The following CAMTA1 variants were observed in gnomAD, a reference collection of about 807,000 sequenced individuals.
CAMTA1 encodes the protein calmodulin-binding transcription activator 1.
Under a neutral mutation model 170.9 loss-of-function variants are expected in CAMTA1, and 27 were observed. That is an observed-to-expected ratio of 0.16 (90% CI 0.12 to 0.22). The LOEUF is 0.22. Among genes scored for constraint, CAMTA1 ranks in the 10% least tolerant of loss-of-function variants. CAMTA1 has a pLI of 1.00. For synonymous variants in CAMTA1, 833 were observed against 891.5 expected, an observed-to-expected ratio of 0.93 and a Z score of 1.17; for missense variants, 1,619 against 2,217.2, an observed-to-expected ratio of 0.73 and a Z score of 5.42.
At chr1:7,621,353 G>A (rs765307880) in intron 6 of CAMTA1, among the ~76,000 whole-genome samples, 1 of 152,212 alleles carries the variant, frequency 6.6e-6, no homozygotes, top group Non-Finnish European at 1.5e-5. Flanking sequence ...CCGTCACCTG[G>A]CTATGTCAGC....
Position 7,748,237 on chromosome 1 carries a change from TAAAACAAACAAA to T in CAMTA1, c.4689+457_4689+468del, listed in dbSNP as rs777064286. Among the ~76,000 whole-genome samples, 21 of 110,674 alleles carry T rather than the reference TAAAACAAACAAA, an allele frequency of 1.9e-4. No individual in the cohort carries two copies. The highest frequency in any genetic ancestry group is 7.3e-4 in the African/African-American group (19 of 25,914). The allele number at this position is 110,674 out of a possible 152,430, so 72.6% of individuals were successfully genotyped here. ...AGAGACTTAATTTGAACTGCCATGA[TAAAACAAACAAA>T]CAAACAAACAAACAAACAAACAAAA... is the stretch of plus-strand genomic sequence containing the variant. On this transcript the variant is annotated intron_variant, in intron 19 of 22. Coordinates refer to ENST00000303635, the MANE Select transcript of CAMTA1 (RefSeq NM_015215.4). This position sits in a 1 kb window ranked among gnomAD's most constrained non-coding sequence, Gnocchi z 4.7.
At chr1:6,981,467 C>T (rs1477773972) in intron 3 of CAMTA1, among the ~76,000 whole-genome samples, 1 of 152,182 alleles carries the variant, frequency 6.6e-6, no homozygotes, top group Non-Finnish European at 1.5e-5. Flanking sequence ...GGGTCTCACT[C>T]TGAAACCCAG....
Position 7,697,628 on chromosome 1 carries a change from G to A in CAMTA1, c.2914+19895G>A, listed in dbSNP as rs559522140. On this transcript the variant is annotated intron_variant, in intron 11 of 22. Transcript: ENST00000303635. Reference sequence around the variant, plus strand: ...TGGGGGCCTGGTAGAAGTTGCTGGCGGAATGGATGGGCCTGTGTCAGCCAG... The same window carrying A: ...TGGGGGCCTGGTAGAAGTTGCTGGCAGAATGGATGGGCCTGTGTCAGCCAG... Among the ~76,000 whole-genome samples the A allele has an allele frequency of 3.3e-4, 51 of 152,314 alleles. No individual in the cohort carries two copies. The Middle Eastern group carries it at 0.01, about 30-fold the overall frequency.
At chr1:6,898,880 GTTTGT>G (rs1571497919) in intron 3 of CAMTA1, among the ~76,000 whole-genome samples, 1 of 151,906 alleles carries the variant, frequency 6.6e-6, no homozygotes, top group Middle Eastern at 3.2e-3. Flanking sequence ...GGGCCCCCTG[GTTTGT>G]TTTATTTTGT....
At chr1:7,571,070 A>T (rs560140181) in intron 6 of CAMTA1, among the ~76,000 whole-genome samples, 29 of 152,340 alleles carry the variant, frequency 1.9e-4, no homozygotes, top group Admixed American at 6.5e-4. Context: ...CTTCATGGAA[A>T]ACAAAGTGTC....
At chr1:7,714,053 C>A (rs549504357) in intron 11 of CAMTA1, among the ~76,000 whole-genome samples, 14 of 152,134 alleles carry the variant, frequency 9.2e-5, no homozygotes, top group Non-Finnish European at 2.1e-4. Context: ...TACTCTCTTT[C>A]CACCACGAAT....
intron 5 of CAMTA1, among the ~76,000 whole-genome samples, chr1:7,266,905 A>T (rs765499293): frequency 5.9e-5 from 9 of 152,136 alleles, no homozygotes; most frequent in Non-Finnish European, 1.0e-4. Context: ...AGGGGCCAGG[A>T]CCCAGGTGGC....
chr1:7,366,993 C>A (rs1405571251), intron 5 of CAMTA1, among the ~76,000 whole-genome samples: 1 of 152,174 alleles, frequency 6.6e-6, no homozygotes, highest in Non-Finnish European at 1.5e-5. Context: ...CACCCCAGGG[C>A]TCCTGCTGCC....
intron 5 of CAMTA1, among the ~76,000 whole-genome samples, chr1:7,338,996 C>T (rs2083593824): frequency 6.6e-6 from 1 of 152,096 alleles, no homozygotes; most frequent in Non-Finnish European, 1.5e-5. Flanking sequence ...TGAGAGAGAA[C>T]AGGGAGGCGC....
At chr1:7,526,479 CTGT>C (rs2094433256) in intron 6 of CAMTA1, among the ~76,000 whole-genome samples, 1 of 152,210 alleles carries the variant, frequency 6.6e-6, no homozygotes, top group Admixed American at 6.5e-5. Context: ...GCCCTGAGGT[CTGT>C]CCAGGCCGTG....
At chr1:7,379,622 C>T (rs1369290709) in intron 5 of CAMTA1, among the ~76,000 whole-genome samples, 1 of 152,218 alleles carries the variant, frequency 6.6e-6, no homozygotes, top group Non-Finnish European at 1.5e-5. Context: ...CTTCCTGTTG[C>T]GTCCTCATCG....
At chr1:7,084,098 A>T (rs1306027355) in intron 3 of CAMTA1, among the ~76,000 whole-genome samples, 2 of 152,126 alleles carry the variant, frequency 1.3e-5, no homozygotes, top group Non-Finnish European at 2.9e-5. Flanking sequence ...TGCAAAATAT[A>T]TCTGAGACTG....
At chr1:7,231,746 C>T (rs1252118887) in intron 4 of CAMTA1, among the ~76,000 whole-genome samples, 1 of 152,206 alleles carries the variant, frequency 6.6e-6, no homozygotes, top group Non-Finnish European at 1.5e-5. Context: ...GCAGCCAGAC[C>T]TGGGGCCAAG....
intron 11 of CAMTA1, among the ~76,000 whole-genome samples, chr1:7,683,806 C>T (rs1219035278): frequency 1.3e-5 from 2 of 152,222 alleles, no homozygotes; most frequent in African/African-American, 2.4e-5. Flanking sequence ...TTATACATTG[C>T]GGTGGGTGTC....
chr1:7,464,243 C>T lies in CAMTA1; in HGVS notation c.439-3587C>T, dbSNP rs181803417. Among the ~76,000 whole-genome samples the T allele has an allele frequency of 7.9e-5, 12 of 152,268 alleles. No homozygotes were observed. The South Asian group carries it at 1.9e-3, about 24-fold the overall frequency. ...GCATGTACTCCCTCACACTCCCACA[C>T]GCGTGTGCACCTCACACGCGGATTT... On this transcript the variant is annotated intron_variant, in intron 5 of 22. Coordinates refer to ENST00000303635, the MANE Select transcript of CAMTA1 (RefSeq NM_015215.4).
chr1:6,944,016 G>A (rs917516948), intron 3 of CAMTA1, among the ~76,000 whole-genome samples: 3 of 151,940 alleles, frequency 2.0e-5, no homozygotes, highest in African/African-American at 7.3e-5. Context: ...TGTTAAGCAC[G>A]AACTCTCCAT....
intron 5 of CAMTA1, among the ~76,000 whole-genome samples, chr1:7,324,702 G>C (rs1211991531): frequency 6.6e-6 from 1 of 151,762 alleles, no homozygotes; most frequent in African/African-American, 2.4e-5. Context: ...CAGCTACTAG[G>C]AGGCTGAGGC....
chr1:7,595,647 C>G (rs2095394183), intron 6 of CAMTA1, among the ~76,000 whole-genome samples: 1 of 152,190 alleles, frequency 6.6e-6, no homozygotes, highest in Admixed American at 6.5e-5. Context: ...TGAGGTGACA[C>G]CAGTGAGATT....
rs116638750 is a variant in CAMTA1, at chr1:7,653,259, T to C, written c.665-8467T>C. ...AGTGGAGTACATAGTATTGTTATTA[T>C]TTTTTTCCCCTTCTTTTTTTGAGAC... is the stretch of plus-strand genomic sequence containing the variant. On this transcript the variant is annotated intron_variant, in intron 7 of 22. Coordinates refer to ENST00000303635, the MANE Select transcript of CAMTA1 (RefSeq NM_015215.4). 3.5e-3 allele frequency among the ~76,000 whole-genome samples: 532 copies of C among 152,176 alleles called. 4 individuals are homozygous for C. The highest frequency in any genetic ancestry group is 0.012 in the African/African-American group (506 of 41,502).
Sources: gnomAD v4.1 joint callset for allele counts (sites outside exome capture counted in the v4.1 genomes callset) on GRCh38, gnomAD v4.1.1 for gene constraint, Gnocchi (gnomAD v3.1) non-coding constraint, MANE v1.5 for transcripts, NCBI Gene and HGNC (gene_info 2026-07-23, HGNC 2026-07-21) for gene names.